The following CNTN4 variants were observed in gnomAD, a reference collection of about 807,000 sequenced individuals.
The protein encoded by CNTN4 is contactin-4.
CNTN4 carries 77 observed loss-of-function variants against 122.5 expected under a neutral mutation model. The observed-to-expected ratio is 0.63, with a 90% confidence interval of 0.52 to 0.76. CNTN4 has a LOEUF of 0.76. CNTN4 is among the 30% of genes least tolerant of loss of function. The probability of loss-of-function intolerance (pLI) is 0.00; values close to 1 mark genes in which losing one functional copy is unlikely to be tolerated. For synonymous variants in CNTN4, 512 were observed against 447.0 expected, an observed-to-expected ratio of 1.15 and a Z score of -1.83; for missense variants, 1,256 against 1,259.1, an observed-to-expected ratio of 1.00 and a Z score of 0.04.
chr3:2,504,631 TC>T (rs2076684539), intron 3 of CNTN4, among the ~76,000 whole-genome samples: 1 of 152,150 alleles, frequency 6.6e-6, no homozygotes, highest in Non-Finnish European at 1.5e-5. Context: ...CTATATGTAA[TC>T]TCAAAGTTGC....
At position 3,040,280 on chromosome 3, in the gene CNTN4, T is replaced by C; in HGVS notation, c.2398+9T>C. On this transcript the variant is annotated intron_variant, in intron 20 of 24. Transcript: ENST00000418658. ...GTATTCTGCAGAAGAAGGTATCGTT[T>C]ATGCTGCCTAGATCATTGACTGTTA... The C allele has an allele frequency of 6.4e-7, 1 of 1,565,738 alleles. No homozygotes were observed. The highest frequency in any genetic ancestry group is 8.8e-7 in the Non-Finnish European group (1 of 1,135,838).
chr3:2,786,457 C>A (rs1451357282), intron 6 of CNTN4, among the ~76,000 whole-genome samples: 1 of 152,202 alleles, frequency 6.6e-6, no homozygotes, highest in Non-Finnish European at 1.5e-5. Context: ...CCTGCGTGCT[C>A]CCTCACCCTC....
At chr3:2,907,315 G>C (rs2094246706) in intron 12 of CNTN4, among the ~76,000 whole-genome samples, 1 of 152,216 alleles carries the variant, frequency 6.6e-6, no homozygotes, top group Non-Finnish European at 1.5e-5. Context: ...GCTCACGCCT[G>C]TAATCCCAGC....
chr3:2,923,906 A>G (rs1324782511), intron 12 of CNTN4, among the ~76,000 whole-genome samples: 1 of 152,104 alleles, frequency 6.6e-6, no homozygotes, highest in South Asian at 2.1e-4. Context: ...TTATTGCATG[A>G]TTTTGCAGAC....
chr3:2,218,222 T>C (rs2038925047), intron 2 of CNTN4, among the ~76,000 whole-genome samples: 1 of 152,208 alleles, frequency 6.6e-6, no homozygotes. Flanking sequence ...TGTTAAAATG[T>C]GCAATCTAAT....
chr3:2,959,476 A>T (rs1313752516), intron 13 of CNTN4, among the ~76,000 whole-genome samples: 1 of 152,158 alleles, frequency 6.6e-6, no homozygotes, highest in South Asian at 2.1e-4. Flanking sequence ...CCCTTTTCAT[A>T]ATTATGCCTA....
chr3:2,721,515 C>A (rs1311714176), intron 4 of CNTN4, among the ~76,000 whole-genome samples: 1 of 152,160 alleles, frequency 6.6e-6, no homozygotes, highest in African/African-American at 2.4e-5. Flanking sequence ...GCTGCTATTT[C>A]ATGTCCGGCA....
chr3:2,226,789 A>G (rs781054588), intron 2 of CNTN4, among the ~76,000 whole-genome samples: 2 of 152,180 alleles, frequency 1.3e-5, no homozygotes, highest in Non-Finnish European at 2.9e-5. Context: ...AATATAGACT[A>G]TATATTATTG....
At chr3:2,502,788 C>T (rs113956428) in intron 3 of CNTN4, among the ~76,000 whole-genome samples, 6 of 152,132 alleles carry the variant, frequency 3.9e-5, no homozygotes, top group African/African-American at 7.2e-5. Context: ...AATAAATTAC[C>T]GAATCACAGC....
intron 15 of CNTN4, among the ~76,000 whole-genome samples, chr3:3,027,425 C>T (rs558385241): frequency 2.2e-4 from 33 of 152,276 alleles, no homozygotes; most frequent in African/African-American, 7.0e-4. Flanking sequence ...TTCTGGACCT[C>T]TTTCACATGG....
At chr3:2,751,272 C>T (rs2149604508) in intron 6 of CNTN4, among the ~76,000 whole-genome samples, 1 of 152,276 alleles carries the variant, frequency 6.6e-6, no homozygotes, top group East Asian at 1.9e-4. Flanking sequence ...CACACCAGTG[C>T]ACTCCAGCCT....
chr3:3,051,214 G>T (rs1356995506), intron 23 of CNTN4, among the ~76,000 whole-genome samples: 1 of 152,104 alleles, frequency 6.6e-6, no homozygotes, highest in Admixed American at 6.5e-5. Context: ...AGTGGAAGTA[G>T]TCTATAATAT....
intron 3 of CNTN4, among the ~76,000 whole-genome samples, chr3:2,441,982 G>A (rs2048459034): frequency 6.6e-6 from 1 of 152,138 alleles, no homozygotes; most frequent in African/African-American, 2.4e-5. Flanking sequence ...TCCTTCTCAT[G>A]TCTTGCTTTT....
rs141818037 is a variant in CNTN4 at position 2,223,948 on chromosome 3, G to A, written c.-144-115230G>A. On this transcript the variant is annotated intron_variant, in intron 2 of 24. Coordinates refer to ENST00000418658, the MANE Select transcript of CNTN4 (RefSeq NM_175607.3). The stretch of plus-strand genomic sequence containing the variant: ...GCTTACACAAAGGGATAGGAATTTG[G>A]GGCTTCTTGGGGGGCAGGTAGGTGT... Among the ~76,000 whole-genome samples the A allele has an allele frequency of 1.6e-3, 246 of 152,240 alleles. 1 individual carries two copies. Among genetic ancestry groups the A allele is most frequent in the Non-Finnish European group, 2.6e-3 (174 of 68,018 alleles).
chr3:2,549,746 G>A (rs764452973), intron 3 of CNTN4, among the ~76,000 whole-genome samples: 5 of 152,014 alleles, frequency 3.3e-5, no homozygotes, highest in Non-Finnish European at 5.9e-5. Flanking sequence ...TTCTTTTTCT[G>A]TTGTTTGGAA....
intron 4 of CNTN4, among the ~76,000 whole-genome samples, chr3:2,592,152 C>A (rs1287681857): frequency 6.6e-6 from 1 of 152,042 alleles, no homozygotes; most frequent in Non-Finnish European, 1.5e-5. Context: ...AAGTGTTGGA[C>A]TTAGAGGCAT....
intron 2 of CNTN4, among the ~76,000 whole-genome samples, chr3:2,217,160 T>G (rs143358408): frequency 6.6e-6 from 1 of 152,280 alleles, no homozygotes; most frequent in Non-Finnish European, 1.5e-5. Context: ...GGACTTTGAT[T>G]GATGCTCCTG....
intron 2 of CNTN4, among the ~76,000 whole-genome samples, chr3:2,247,131 T>C (rs374930182): frequency 1.3e-5 from 2 of 152,048 alleles, no homozygotes; most frequent in African/African-American, 4.8e-5. Flanking sequence ...TTTGCATGGA[T>C]GCCTTTCTAG....
At chr3:3,032,837 C>G (rs1699288612) in intron 16 of CNTN4, among the ~76,000 whole-genome samples, 1 of 152,148 alleles carries the variant, frequency 6.6e-6, no homozygotes, top group Non-Finnish European at 1.5e-5. Context: ...AACATTTGTA[C>G]ATTTTTCATT....
Sources: allele counts gnomAD v4.1 joint callset (sites outside exome capture counted in the v4.1 genomes callset), GRCh38; gene constraint gnomAD v4.1.1; transcripts MANE v1.5; gene names NCBI Gene and HGNC (gene_info 2026-07-23, HGNC 2026-07-21).